PCGF5: variants seen among roughly 807,000 people sequenced by gnomAD.
PCGF5 encodes polycomb group RING finger protein 5.
In PCGF5, 9 loss-of-function variants were observed where a neutral mutation model predicts 44.3. The observed-to-expected ratio is 0.20, with a 90% CI of 0.12 to 0.35. The LOEUF is 0.35. Ranked by LOEUF, PCGF5 falls within the 10% of genes least tolerant of loss-of-function variation. The probability of loss-of-function intolerance (pLI) is 1.00; values close to 1 mark genes in which losing one functional copy is unlikely to be tolerated. For missense variants in PCGF5, 146 were observed against 305.3 expected (o/e 0.48, Z 3.89); for synonymous variants, 95 against 102.5 (o/e 0.93, Z 0.44).
chr10:91,209,252 C>A (rs1844404372), intron 1 of PCGF5, among the ~76,000 whole-genome samples: 1 of 152,172 alleles, frequency 6.6e-6, no homozygotes, highest in Admixed American at 6.5e-5. Context: ...TTGATGGAAT[C>A]TTCCTTGTAG....
intron 6 of PCGF5, among the ~76,000 whole-genome samples, chr10:91,258,962 T>G (rs1180309711): frequency 3.3e-5 from 5 of 152,162 alleles, no homozygotes; most frequent in African/African-American, 4.8e-5. Flanking sequence ...CAAATAGGAG[T>G]AATATCTTTA....
At chr10:91,240,005 G>A (rs1342657455) in intron 2 of PCGF5, among the ~76,000 whole-genome samples, 2 of 152,172 alleles carry the variant, frequency 1.3e-5, no homozygotes, top group African/African-American at 2.4e-5. Flanking sequence ...AGTCCATTGT[G>A]ACTCCCAGTT....
intron 8 of PCGF5, among the ~76,000 whole-genome samples, chr10:91,270,826 A>G (rs1296216292): frequency 6.6e-6 from 1 of 152,064 alleles, no homozygotes; most frequent in Non-Finnish European, 1.5e-5. Context: ...TATATGCATA[A>G]TTTTAAAGTA....
intron 8 of PCGF5, among the ~76,000 whole-genome samples, chr10:91,269,660 AT>A (rs1221832240): frequency 6.6e-6 from 1 of 152,190 alleles, no homozygotes; most frequent in Non-Finnish European, 1.5e-5. Flanking sequence ...ATTTTGATAG[AT>A]ACAAATTGTC....
chr10:91,222,606 T>G, intron 1 of PCGF5, 83 bp from the exon 2 acceptor site: 1 of 485,954 alleles, frequency 2.1e-6, no homozygotes, highest in Non-Finnish European at 3.6e-6. Context: ...ATGTAACACT[T>G]GCTGTTAATA....
chr10:91,240,001 T>C (rs546151278), intron 2 of PCGF5, among the ~76,000 whole-genome samples: 56 of 152,312 alleles, frequency 3.7e-4, no homozygotes, highest in African/African-American at 8.9e-4. Flanking sequence ...GCAAAGTCCA[T>C]TGTGACTCCC....
At chr10:91,176,179 T>G (rs573871129) in intron 1 of PCGF5, among the ~76,000 whole-genome samples, 64 of 152,306 alleles carry the variant, frequency 4.2e-4, no homozygotes, top group African/African-American at 1.4e-3. Context: ...AAGCTTAGTT[T>G]GGCTGGATAT....
At chr10:91,215,385 A>G (rs1484932380), upstream of PCGF5, among the ~76,000 whole-genome samples, 5 of 152,264 alleles carry the variant, frequency 3.3e-5, no homozygotes, top group Non-Finnish European at 1.5e-5. Context: ...CTTAATATGC[A>G]TATAATAGTC....
chr10:91,246,962 GATGGATA>G (rs1845478318), intron 3 of PCGF5, among the ~76,000 whole-genome samples: 1 of 125,828 alleles, frequency 7.9e-6, no homozygotes, highest in Non-Finnish European at 1.7e-5. Flanking sequence ...TAGATGGATA[GATGGATA>G]GATAGATAGA....
At chr10:91,256,313 T>G (rs12251037) in intron 6 of PCGF5, among the ~76,000 whole-genome samples, 19,007 of 152,074 alleles carry the variant, frequency 0.12, 2,190 homozygotes, top group African/African-American at 0.3. Flanking sequence ...AAAATTTTAC[T>G]GGTGAGGCTC....
chr10:91,212,443 G>C (rs1209333306), intron 1 of PCGF5, among the ~76,000 whole-genome samples: 3 of 152,206 alleles, frequency 2.0e-5, no homozygotes, highest in Non-Finnish European at 4.4e-5. Context: ...TCTCTTAATA[G>C]TCACAGAGAA....
chr10:91,207,497 C>G (rs1376071089), intron 1 of PCGF5, among the ~76,000 whole-genome samples: 1 of 152,168 alleles, frequency 6.6e-6, no homozygotes, highest in Non-Finnish European at 1.5e-5. Flanking sequence ...CCCTTTACCT[C>G]TAAATACTTC....
At chr10:91,202,398 G>C (rs1320070992) in intron 1 of PCGF5, among the ~76,000 whole-genome samples, 2 of 152,184 alleles carry the variant, frequency 1.3e-5, no homozygotes, top group African/African-American at 4.8e-5. Flanking sequence ...CCTTGAGAGA[G>C]TTAATTTAAT....
chr10:91,196,640 T>G (rs1292417548), intron 1 of PCGF5, among the ~76,000 whole-genome samples: 2 of 152,180 alleles, frequency 1.3e-5, no homozygotes, highest in Non-Finnish European at 2.9e-5. Flanking sequence ...CTCCTTTCCA[T>G]TACACTGATG....
rs373755980 is a variant in PCGF5 at position 91,225,549 on chromosome 10, C to T, written c.112+2566C>T. Among the ~76,000 whole-genome samples, 15 of 151,666 alleles carry T rather than the reference C, an allele frequency of 9.9e-5. No homozygotes were observed. In the East Asian group the frequency reaches 1.6e-3, roughly 16 times the overall value. The stretch of plus-strand genomic sequence containing the variant: ...TAAATGATGGAGTCAGGTACTCCAT[C>T]GCATCTCTGAGGAGATCTGAGGATT... On this transcript the variant is annotated intron_variant, in intron 2 of 9. Coordinates refer to ENST00000336126, the MANE Select transcript of PCGF5 (RefSeq NM_032373.5).
upstream of PCGF5, among the ~76,000 whole-genome samples, chr10:91,159,867 T>TTG (rs1233919528): frequency 6.6e-6 from 1 of 152,238 alleles, no homozygotes; most frequent in African/African-American, 2.4e-5. Flanking sequence ...CATTATGATA[T>TTG]CCCAGGTATT....
At chr10:91,248,094 T>C (rs1381337407) in intron 3 of PCGF5, among the ~76,000 whole-genome samples, 2 of 152,154 alleles carry the variant, frequency 1.3e-5, no homozygotes, top group Non-Finnish European at 2.9e-5. Context: ...GGTAGCAGGA[T>C]TCTGAGAGAG....
upstream of PCGF5, among the ~76,000 whole-genome samples, chr10:91,160,172 T>C (rs1238198454): frequency 6.6e-6 from 1 of 152,134 alleles, no homozygotes; most frequent in African/African-American, 2.4e-5. Flanking sequence ...TGAAAATCTA[T>C]CCATCCTTCA....
rs1199140778 is a variant in PCGF5, at chr10:91,283,960, A to G, written c.*5644A>G. 6.5e-6 allele frequency: 1 copy of G among 152,672 alleles called. No individual in the cohort carries two copies. The highest frequency in any genetic ancestry group is 1.5e-5 in the Non-Finnish European group (1 of 68,046). 9.5% of individuals were successfully genotyped at this position (152,672 alleles called of 1,614,324 possible). ...ATTGAAGTGAAAGAATTACCAGGTC[A>G]TTGTTAATGACTTAGTCTATTAAGA... On this transcript the variant is annotated 3_prime_UTR_variant, in exon 10 of 10. Transcript: ENST00000336126.
Sources: gnomAD v4.1 joint callset for allele counts (sites outside exome capture counted in the v4.1 genomes callset) on GRCh38, gnomAD v4.1.1 for gene constraint, MANE v1.5 for transcripts, NCBI Gene and HGNC (gene_info 2026-07-23, HGNC 2026-07-21) for gene names.